CMSS1: variants seen among roughly 807,000 people sequenced by gnomAD.
The protein encoded by CMSS1 is protein CMSS1.
In CMSS1, 33 loss-of-function variants were observed where a neutral mutation model predicts 43.5. That is an observed-to-expected ratio of 0.76 (90% confidence interval 0.57 to 1.01). CMSS1 has a LOEUF of 1.01. CMSS1 is among the 50% of genes least tolerant of loss of function. The pLI is 0.00. For missense variants in CMSS1, 313 were observed against 326.4 expected (o/e 0.96, Z 0.32); for synonymous variants, 115 against 117.2 (o/e 0.98, Z 0.12).
At chr3:99,974,118 T>G (rs886700872) in intron 1 of CMSS1, among the ~76,000 whole-genome samples, 2 of 152,212 alleles carry the variant, frequency 1.3e-5, no homozygotes, top group Non-Finnish European at 2.9e-5. Context: ...TCTTTTAATT[T>G]GAAAGTTAAA....
At chr3:99,857,373 T>G (rs1317131913) in intron 1 of CMSS1, among the ~76,000 whole-genome samples, 3 of 152,220 alleles carry the variant, frequency 2.0e-5, no homozygotes, top group Admixed American at 6.5e-5. Flanking sequence ...ATTAGAACTG[T>G]ATGTGCTTGC....
intron 1 of CMSS1, among the ~76,000 whole-genome samples, chr3:99,969,663 C>G (rs544428822): frequency 1.3e-5 from 2 of 152,054 alleles, no homozygotes; most frequent in Admixed American, 6.6e-5. Context: ...CACGGGGAGC[C>G]TGGAAGGATC....
At chr3:99,833,597 C>T (rs1942775974) in intron 1 of CMSS1, among the ~76,000 whole-genome samples, 1 of 152,192 alleles carries the variant, frequency 6.6e-6, no homozygotes. Context: ...AGGATGTTTC[C>T]TTTTCTCTAA....
At chr3:100,014,883 TTTTC>T (rs1576642166) in intron 1 of CMSS1, among the ~76,000 whole-genome samples, 4 of 125,386 alleles carry the variant, frequency 3.2e-5, no homozygotes, top group Non-Finnish European at 3.4e-5. Flanking sequence ...TCTTTTTTTT[TTTTC>T]TTTCTTTCTT....
rs147139230 is a variant in CMSS1, at chr3:100,166,782, G to C, written c.415+388G>C. On this transcript the variant is annotated intron_variant, in intron 5 of 9. Coordinates refer to ENST00000421999, the MANE Select transcript of CMSS1 (RefSeq NM_032359.4). Reference sequence around the variant, plus strand: ...GGACAGGGTCTCACTCCATCTCCCAGGCTGGAGTGCAGTGGGTCTGGTCAC... The same window carrying C: ...GGACAGGGTCTCACTCCATCTCCCACGCTGGAGTGCAGTGGGTCTGGTCAC... Among the ~76,000 whole-genome samples the C allele has an allele frequency of 5.5e-3, 835 of 152,242 alleles. 4 individuals carry two copies. Among genetic ancestry groups the C allele is most frequent in the Admixed American group, 9.1e-3 (139 of 15,276 alleles).
intron 1 of CMSS1, among the ~76,000 whole-genome samples, chr3:100,112,670 A>G (rs941218109): frequency 2.6e-5 from 4 of 152,208 alleles, no homozygotes; most frequent in South Asian, 4.1e-4. Context: ...ATTGGTTAGT[A>G]TAAGAATCCA....
chr3:99,977,907 A>G (rs1709017410), intron 1 of CMSS1, among the ~76,000 whole-genome samples: 1 of 152,194 alleles, frequency 6.6e-6, no homozygotes, highest in South Asian at 2.1e-4. Flanking sequence ...TATATACACC[A>G]TTAACCTAAA....
chr3:99,848,907 G>A (rs373124183), intron 1 of CMSS1: 40 of 1,614,034 alleles, frequency 2.5e-5, no homozygotes, highest in Non-Finnish European at 3.1e-5. Flanking sequence ...GACTCTCTGT[G>A]GTTGGACTTG....
At chr3:100,052,223 G>C (rs1456263132) in intron 1 of CMSS1, among the ~76,000 whole-genome samples, 2 of 152,202 alleles carry the variant, frequency 1.3e-5, no homozygotes, top group African/African-American at 4.8e-5. Context: ...TATGGCATAT[G>C]TGGGCTATAC....
intron 1 of CMSS1, among the ~76,000 whole-genome samples, chr3:99,829,235 TCC>T (rs1032663361): frequency 7.1e-6 from 1 of 140,126 alleles, no homozygotes; most frequent in Non-Finnish European, 1.6e-5. Context: ...TTGATTTTTT[TCC>T]CCCCTCGATT....
intron 1 of CMSS1, among the ~76,000 whole-genome samples, chr3:100,014,381 TG>T (rs1710257210): frequency 6.6e-6 from 1 of 152,104 alleles, no homozygotes; most frequent in Non-Finnish European, 1.5e-5. Context: ...TTGCATTATA[TG>T]GTAGTTCTAT....
At chr3:100,177,620 G>A (rs896893390) in intron 9 of CMSS1, among the ~76,000 whole-genome samples, 1 of 152,114 alleles carries the variant, frequency 6.6e-6, no homozygotes, top group African/African-American at 2.4e-5. Flanking sequence ...ATTTTGAATG[G>A]CTGCAAACAA....
chr3:100,101,303 G>A (rs1029181324), intron 1 of CMSS1, among the ~76,000 whole-genome samples: 11 of 152,154 alleles, frequency 7.2e-5, no homozygotes, highest in African/African-American at 2.4e-4. Context: ...TGAGGAGAGG[G>A]AGTGCATTGA....
intron 1 of CMSS1, among the ~76,000 whole-genome samples, chr3:100,067,871 G>A (rs2065693444): frequency 6.6e-6 from 1 of 152,118 alleles, no homozygotes; most frequent in Admixed American, 6.5e-5. Context: ...GGGAAGCACA[G>A]TAGAGAAGCA....
chr3:100,008,041 G>A (rs1164881396), intron 1 of CMSS1, among the ~76,000 whole-genome samples: 1 of 152,146 alleles, frequency 6.6e-6, no homozygotes, highest in Non-Finnish European at 1.5e-5. Flanking sequence ...TGTACACAAA[G>A]TGTTTCCCTC....
At chr3:99,927,916 C>T (rs926322276) in intron 1 of CMSS1, among the ~76,000 whole-genome samples, 1 of 152,110 alleles carries the variant, frequency 6.6e-6, no homozygotes, top group Non-Finnish European at 1.5e-5. Context: ...CCTGTCGTGT[C>T]ATGTAACCGA....
intron 1 of CMSS1, among the ~76,000 whole-genome samples, chr3:100,098,030 A>C (rs2066241247): frequency 6.6e-6 from 1 of 152,180 alleles, no homozygotes; most frequent in African/African-American, 2.4e-5. Context: ...CCACATTGCT[A>C]TTTGAAAAAT....
At chr3:100,172,885 A>G (rs1230993576) in intron 8 of CMSS1, among the ~76,000 whole-genome samples, 2 of 152,214 alleles carry the variant, frequency 1.3e-5, no homozygotes, top group Non-Finnish European at 2.9e-5. Context: ...GACAACATCC[A>G]CTGGTGGGTT....
intron 4 of CMSS1, among the ~76,000 whole-genome samples, chr3:100,165,716 C>T (rs941763354): frequency 2.0e-5 from 3 of 152,098 alleles, no homozygotes; most frequent in African/African-American, 7.2e-5. Flanking sequence ...GGATGAATAT[C>T]CTTGTGTGTG....
Sources: allele counts gnomAD v4.1 joint callset (sites outside exome capture counted in the v4.1 genomes callset), GRCh38; gene constraint gnomAD v4.1.1; transcripts MANE v1.5; gene names NCBI Gene and HGNC (gene_info 2026-07-23, HGNC 2026-07-21).